RNF220: variants seen among roughly 807,000 people sequenced by gnomAD.
The protein encoded by RNF220 is E3 ubiquitin-protein ligase RNF220.
In RNF220, 7 loss-of-function variants were observed where a neutral mutation model predicts 67.1. The observed-to-expected ratio is 0.10, with a 90% CI of 0.06 to 0.20. The LOEUF is 0.20. Among genes scored for constraint, RNF220 ranks in the 10% least tolerant of loss-of-function variants. RNF220 has a pLI of 1.00. For missense variants in RNF220, 565 were observed against 740.3 expected (o/e 0.76, Z 2.75); for synonymous variants, 270 against 283.2 (o/e 0.95, Z 0.47).
Position 44,645,160 on chromosome 1 carries a change from C to G in RNF220, c.1311-61C>G. 1 of 1,612,482 alleles carries G rather than the reference C, an allele frequency of 6.2e-7. No individual in the cohort carries two copies. Among genetic ancestry groups the G allele is most frequent in the Non-Finnish European group, 8.5e-7 (1 of 1,178,516 alleles). On this transcript the variant is annotated intron_variant, in intron 10 of 14. Coordinates refer to ENST00000361799, the MANE Select transcript of RNF220 (RefSeq NM_018150.4). This position sits in a 1 kb window ranked among gnomAD's most constrained non-coding sequence, Gnocchi z 5.0. ...GGCAGGGGTTAACGCAGTACTGACC[C>G]TCAGGGCTGTCCTGCCCGCCTTCAG...
intron 2 of RNF220, among the ~76,000 whole-genome samples, chr1:44,507,360 C>T (rs1658524638): frequency 6.6e-6 from 1 of 152,110 alleles, no homozygotes; most frequent in Non-Finnish European, 1.5e-5. Context: ...TGTCTCTCCA[C>T]TTACTCCACC....
chr1:44,626,642 C>T (rs1557452629), intron 5 of RNF220: 3 of 548,708 alleles, frequency 5.5e-6, no homozygotes, highest in Non-Finnish European at 9.8e-6. Flanking sequence ...GGGCTCTGAG[C>T]ACCTCTGAAT....
chr1:44,560,204 G>A (rs539102081), intron 2 of RNF220, among the ~76,000 whole-genome samples: 11 of 152,278 alleles, frequency 7.2e-5, no homozygotes, highest in Non-Finnish European at 1.2e-4. Context: ...CCTGGCCCAC[G>A]GAAGGCTTCT....
rs1643782970 is a variant in RNF220 at position 44,621,243 on chromosome 1, TG to T, written c.759-1496del. Among the ~76,000 whole-genome samples, 1 of 152,224 alleles carries T rather than the reference TG, an allele frequency of 6.6e-6. No individual in the cohort carries two copies. The highest frequency in any genetic ancestry group is 2.1e-4 in the South Asian group (1 of 4,834). On this transcript the variant is annotated intron_variant, in intron 3 of 14. Transcript: ENST00000361799. This position sits in a 1 kb window ranked among gnomAD's most constrained non-coding sequence, Gnocchi z 4.8. ...GCATCTGTCTTTATGGACATGTGTC[TG>T]GGAATATGCCTCTGTGGCCCTGTGC... is the stretch of plus-strand genomic sequence containing the variant.
At chr1:44,631,277 G>A (rs1056962630) in intron 5 of RNF220, among the ~76,000 whole-genome samples, 4 of 152,252 alleles carry the variant, frequency 2.6e-5, no homozygotes, top group Non-Finnish European at 5.9e-5. Context: ...CTGGAAGGAT[G>A]AGTAGGAGAT....
chr1:44,615,542 C>T (rs1010969648), intron 3 of RNF220, among the ~76,000 whole-genome samples: 1 of 152,198 alleles, frequency 6.6e-6, no homozygotes, highest in Admixed American at 6.5e-5. Flanking sequence ...CTTCTACCTT[C>T]TTACCGAATC....
At chr1:44,502,445 T>A (rs1658011776) in intron 2 of RNF220, among the ~76,000 whole-genome samples, 1 of 152,194 alleles carries the variant, frequency 6.6e-6, no homozygotes, top group African/African-American at 2.4e-5. Context: ...AATGGGATTA[T>A]TCTTATTTTG....
Position 44,412,158 on chromosome 1 carries a change from G to T in RNF220, c.61G>T (p.Ala21Ser). 6.2e-7 allele frequency: 1 copy of T among 1,614,096 alleles called. No homozygotes were observed. The highest frequency in any genetic ancestry group is 8.5e-7 in the Non-Finnish European group (1 of 1,180,018). The change falls in exon 2 of 15, where the codon GCA becomes TCA. Residue 21 changes from alanine (A) to serine (S), a missense_variant. By Grantham distance (99) the Ala-to-Ser change is moderately conservative. Transcript: ENST00000361799. This position sits in a 1 kb window ranked among gnomAD's most constrained non-coding sequence, Gnocchi z 5.3. ...ENSSYLPNPLASPALMVLAST... is the reference protein window; with the variant it reads ...ENSSYLPNPLSSPALMVLAST... ...CTCATCCTACCTTCCCAACCCTCTG[G>T]CATCCCCAGCACTGATGGTCCTGGC...
chr1:44,461,788 A>G (rs74686827), intron 2 of RNF220, among the ~76,000 whole-genome samples: 3,569 of 152,326 alleles, frequency 0.023, 63 homozygotes, highest in South Asian at 0.049. Flanking sequence ...GTCCTCACAT[A>G]TGTAAAATTG....
In RNF220 at chr1:44,412,710, C is replaced by T. The variant is rs776288553; in HGVS notation, c.613C>T (p.Arg205Trp). ...GGAAGCCTCATCTAGCCCAGAGGAT[C>T]GGAATGACAGATGTAAGTACTTTGG... The part of the protein sequence containing the change: ...DREASSSPED[R>W]NDRCKKKAAA... Residue 205 changes from arginine to tryptophan, a missense_variant, in exon 2 of 15, where the codon CGG becomes TGG. By Grantham distance (101) the Arg-to-Trp change is moderately radical. Transcript: ENST00000361799. This position sits in a 1 kb window ranked among gnomAD's most constrained non-coding sequence, Gnocchi z 5.3. 13 of 1,613,632 alleles carry T rather than the reference C, an allele frequency of 8.1e-6. No homozygotes were observed. The highest frequency in any genetic ancestry group is 3.3e-5 in the Admixed American group (2 of 59,974).
At chr1:44,619,087 G>A (rs755556361) in intron 3 of RNF220, among the ~76,000 whole-genome samples, 4 of 152,042 alleles carry the variant, frequency 2.6e-5, no homozygotes, top group Admixed American at 1.3e-4. Flanking sequence ...GTTGAAGGGC[G>A]GGGGTGGAGG....
At chr1:44,415,726 G>T (rs1004488933) in intron 2 of RNF220, among the ~76,000 whole-genome samples, 2 of 152,010 alleles carry the variant, frequency 1.3e-5, no homozygotes, top group African/African-American at 2.4e-5. Flanking sequence ...TGAGAATGGT[G>T]GTGTGTGTCC....
intron 2 of RNF220, among the ~76,000 whole-genome samples, chr1:44,589,364 C>T (rs575777712): frequency 2.9e-4 from 44 of 152,290 alleles, no homozygotes; most frequent in African/African-American, 1.1e-3. Flanking sequence ...CCTGTAATCC[C>T]AGCACTTTGG....
chr1:44,528,097 A>C (rs1660541523), intron 2 of RNF220, among the ~76,000 whole-genome samples: 2 of 152,138 alleles, frequency 1.3e-5, no homozygotes, highest in South Asian at 4.1e-4. Flanking sequence ...ATGCCACCTG[A>C]AAAACAAAGA....
chr1:44,504,283 G>A (rs1364411044), intron 2 of RNF220, among the ~76,000 whole-genome samples: 2 of 152,198 alleles, frequency 1.3e-5, no homozygotes, highest in African/African-American at 4.8e-5. Flanking sequence ...GAAGCCAGGG[G>A]GCTAATGGGG....
intron 2 of RNF220, among the ~76,000 whole-genome samples, chr1:44,413,133 T>G (rs938334538): frequency 6.6e-6 from 1 of 152,138 alleles, no homozygotes; most frequent in African/African-American, 2.4e-5. Flanking sequence ...CTGATCTCAG[T>G]GTTATTTTTT....
At chr1:44,581,267 G>A (rs981773867) in intron 2 of RNF220, among the ~76,000 whole-genome samples, 3 of 152,218 alleles carry the variant, frequency 2.0e-5, no homozygotes, top group African/African-American at 7.2e-5. Context: ...AATGACATGT[G>A]GCATTTGGAA....
intron 2 of RNF220, among the ~76,000 whole-genome samples, chr1:44,491,999 A>G (rs1235696680): frequency 6.6e-6 from 1 of 152,142 alleles, no homozygotes; most frequent in East Asian, 1.9e-4. Flanking sequence ...TCAATATAGT[A>G]CTGGAGGTTT....
In RNF220 at chr1:44,621,739, C is replaced by T. The variant is rs1643804515; in HGVS notation, c.759-1003C>T. 6.6e-6 allele frequency among the ~76,000 whole-genome samples: 1 copy of T among 152,188 alleles called. No homozygotes were observed. Among genetic ancestry groups the T allele is most frequent in the Admixed American group, 6.5e-5 (1 of 15,282 alleles). On this transcript the variant is annotated intron_variant, in intron 3 of 14. Transcript: ENST00000361799. The surrounding 1 kb of genome is among the most constrained non-coding windows in gnomAD (Gnocchi z 4.8). ...TAAGTCCCTATGTGCCCCATGCATT[C>T]TGCCTTGGATGTGTGTCTGTGTGTT... is the stretch of plus-strand genomic sequence containing the variant.
Sources: gnomAD v4.1 joint callset for allele counts (sites outside exome capture counted in the v4.1 genomes callset) on GRCh38, gnomAD v4.1.1 for gene constraint, Gnocchi (gnomAD v3.1) non-coding constraint, MANE v1.5 for transcripts, NCBI Gene and HGNC (gene_info 2026-07-23, HGNC 2026-07-21) for gene names.